NHSL2: variants seen among roughly 807,000 people sequenced by gnomAD.
The protein encoded by NHSL2 is NHS-like protein 2.
NHSL2 carries 27 observed loss-of-function variants against 53.4 expected under a neutral mutation model. The observed-to-expected ratio is 0.51, with a 90% CI of 0.37 to 0.70. The LOEUF is 0.70. Ranked by LOEUF, NHSL2 falls within the 30% of genes least tolerant of loss-of-function variation. The pLI is 0.00. For missense variants in NHSL2, 892 were observed against 980.1 expected, an observed-to-expected ratio of 0.91 and a Z score of 1.20; for synonymous variants, 408 against 404.1, an observed-to-expected ratio of 1.01 and a Z score of -0.12.
At chrX:72,108,742 G>C (rs929497640) in intron 1 of NHSL2, among the ~76,000 whole-genome samples, 1 of 111,915 alleles carries the variant, frequency 8.9e-6, no homozygotes, top group Non-Finnish European at 1.9e-5. Context: ...ATGCGGGTCC[G>C]GCAGGGAAGA....
chrX:72,120,998 G>A (rs957086745), intron 1 of NHSL2, among the ~76,000 whole-genome samples: 3 of 112,524 alleles, frequency 2.7e-5, no homozygotes, highest in Non-Finnish European at 3.8e-5. Context: ...GGACCCCCAC[G>A]CAAGGCATTG....
At chrX:71,979,953 A>G (rs372867097) in intron 1 of NHSL2, among the ~76,000 whole-genome samples, 4 of 111,294 alleles carry the variant, frequency 3.6e-5, no homozygotes, top group Non-Finnish European at 5.7e-5. Context: ...GTGTAAGGAA[A>G]GGATCCAGTT....
intron 1 of NHSL2, among the ~76,000 whole-genome samples, chrX:71,970,109 T>G (rs1298470606): frequency 1.8e-5 from 2 of 112,261 alleles, no homozygotes; most frequent in East Asian, 5.5e-4. Flanking sequence ...GATAAATCTC[T>G]TTTGTTCATG....
chrX:72,093,322 T>A (rs2041912675), intron 1 of NHSL2, among the ~76,000 whole-genome samples: 1 of 112,589 alleles, frequency 8.9e-6, no homozygotes, highest in Non-Finnish European at 1.9e-5. Flanking sequence ...ATCTATTCTC[T>A]GGACTGTTTA....
intron 1 of NHSL2, among the ~76,000 whole-genome samples, chrX:71,973,709 A>G (rs958161325): frequency 3.6e-5 from 4 of 111,744 alleles, no homozygotes; most frequent in Non-Finnish European, 3.8e-5. Flanking sequence ...CAGCTGTGGT[A>G]GGATGATTGA....
chrX:71,987,773 C>T (rs2042009493), intron 1 of NHSL2, among the ~76,000 whole-genome samples: 1 of 112,207 alleles, frequency 8.9e-6, no homozygotes, highest in African/African-American at 3.2e-5. Context: ...AAGAGTCATT[C>T]CCTAAGCCAG....
At position 72,147,369 on chromosome X, in the gene NHSL2, C is replaced by G. The variant is rs2042472367; in HGVS notation, c.*3795C>G. The G allele has an allele frequency of 8.9e-6, 1 of 111,951 alleles. No homozygotes were observed. The highest frequency in any genetic ancestry group is 3.2e-5 in the African/African-American group (1 of 30,777). 9.2% of individuals were successfully genotyped at this position (111,951 alleles called of 1,213,427 possible). A position where few individuals can be genotyped will look rare whatever the true frequency, so the allele number is the denominator to read the frequency against. On this transcript the variant is annotated 3_prime_UTR_variant, in exon 8 of 8. Coordinates refer to ENST00000633930, the MANE Select transcript of NHSL2 (RefSeq NM_001013627.3). ...GCAAGTGCCTTACCCTCGTCCCAGC[C>G]CTGTGATTTGCACTCTTTAAAGTAA...
At chrX:71,949,816 C>T (rs2041811756) in intron 1 of NHSL2, among the ~76,000 whole-genome samples, 1 of 112,958 alleles carries the variant, frequency 8.9e-6, no homozygotes, top group Non-Finnish European at 1.9e-5. Flanking sequence ...AACTCGAAAT[C>T]CCCCCTCTGC....
intron 1 of NHSL2, among the ~76,000 whole-genome samples, chrX:72,122,160 G>A (rs769421284): frequency 5.9e-4 from 66 of 111,557 alleles, no homozygotes; most frequent in South Asian, 2.6e-3. Flanking sequence ...GAAGGAATCC[G>A]GAGGTTTCAC....
At chrX:72,080,571 CGTGTGT>C (rs10580313) in intron 1 of NHSL2, among the ~76,000 whole-genome samples, 77 of 97,122 alleles carry the variant, frequency 7.9e-4, no homozygotes, top group Admixed American at 1.4e-3. Context: ...GAATTCTGCA[CGTGTGT>C]GTGTGTGTGT....
At chrX:71,979,141 T>G (rs1462539932) in intron 1 of NHSL2, among the ~76,000 whole-genome samples, 1 of 110,910 alleles carries the variant, frequency 9.0e-6, no homozygotes, top group African/African-American at 3.3e-5. Flanking sequence ...GTGCCACATT[T>G]TCTTAATCCA....
intron 1 of NHSL2, among the ~76,000 whole-genome samples, chrX:71,919,282 C>A (rs2041644639): frequency 8.9e-6 from 1 of 111,975 alleles, no homozygotes; most frequent in Non-Finnish European, 1.9e-5. Flanking sequence ...ACTCTAGTGT[C>A]TCTGAGCCAC....
chrX:72,056,132 T>A (rs2147934377), intron 1 of NHSL2, among the ~76,000 whole-genome samples: 1 of 112,204 alleles, frequency 8.9e-6, no homozygotes, highest in African/African-American at 3.2e-5. Flanking sequence ...TTTTCCCATG[T>A]AAATCAGTAC....
Position 72,142,307 on chromosome X carries a change from A to T in NHSL2, c.3299A>T (p.Asp1100Val). The T allele has an allele frequency of 8.6e-7, 1 of 1,159,768 alleles. No individual in the cohort carries two copies. The highest frequency in any genetic ancestry group is 1.2e-6 in the Non-Finnish European group (1 of 865,833). ...DKTAEWIAED[D>V]DDVFVASRTT... Reference sequence around the variant, plus strand: ...ACAGCTGAATGGATTGCAGAGGATGATGATGACGTGTTTGTGGCTTCACGC... The same window carrying T: ...ACAGCTGAATGGATTGCAGAGGATGTTGATGACGTGTTTGTGGCTTCACGC... Residue 1100 changes from aspartate (D) to valine (V), a missense_variant, in exon 7 of 8, where the codon GAT becomes GTT. Coordinates refer to ENST00000633930, the MANE Select transcript of NHSL2 (RefSeq NM_001013627.3).
chrX:71,935,011 GT>G (rs1485017213), intron 1 of NHSL2, among the ~76,000 whole-genome samples: 2 of 110,397 alleles, frequency 1.8e-5, no homozygotes, highest in African/African-American at 6.6e-5. Context: ...CCGTTTTTTT[GT>G]TTTTCAGGCA....
At chrX:72,058,339 T>G (rs189152060) in intron 1 of NHSL2, among the ~76,000 whole-genome samples, 1 of 111,302 alleles carries the variant, frequency 9.0e-6, no homozygotes, top group African/African-American at 3.3e-5. Context: ...AGTTCTTTTT[T>G]TTTAAATTGT....
intron 1 of NHSL2, among the ~76,000 whole-genome samples, chrX:71,929,140 G>T (rs759273174): frequency 4.5e-5 from 5 of 112,066 alleles, no homozygotes; most frequent in Admixed American, 1.9e-4. Flanking sequence ...AGACTTTGAA[G>T]TTCTCAGGTG....
At chrX:72,029,525 C>G (rs1428096900) in intron 1 of NHSL2, among the ~76,000 whole-genome samples, 1 of 112,728 alleles carries the variant, frequency 8.9e-6, no homozygotes, top group Non-Finnish European at 1.9e-5. Context: ...GCTAACTTAT[C>G]CTTGTCCACC....
chrX:71,977,673 A>T (rs1030773879), intron 1 of NHSL2, among the ~76,000 whole-genome samples: 6 of 111,415 alleles, frequency 5.4e-5, no homozygotes, highest in Admixed American at 1.9e-4. Flanking sequence ...TCGGCCTCCC[A>T]GAGTGCGAGG....
Sources: gnomAD v4.1 joint callset for allele counts (sites outside exome capture counted in the v4.1 genomes callset) on GRCh38, gnomAD v4.1.1 for gene constraint, MANE v1.5 for transcripts, NCBI Gene and HGNC (gene_info 2026-07-23, HGNC 2026-07-21) for gene names.